Variants in PRKCQ observed in about 807,000 individuals in gnomAD.
PRKCQ encodes protein kinase C theta type.
In PRKCQ, 41 loss-of-function variants were observed where a neutral mutation model predicts 91.2. That is an observed-to-expected ratio of 0.45 (90% CI 0.35 to 0.58). PRKCQ has a LOEUF of 0.58. Among genes scored for constraint, PRKCQ ranks in the 20% least tolerant of loss-of-function variants. The probability of loss-of-function intolerance (pLI) is 0.00; values close to 1 mark genes in which losing one functional copy is unlikely to be tolerated. For synonymous variants in PRKCQ, 307 were observed against 316.9 expected, an observed-to-expected ratio of 0.97 and a Z score of 0.33; for missense variants, 673 against 896.5, an observed-to-expected ratio of 0.75 and a Z score of 3.18.
chr10:6,569,486 T>C lies in PRKCQ; in HGVS notation c.-10+10725A>G, dbSNP rs570642851. ...AATCCACATCAGGGAGGCTGGGCTT[T>C]ATCCCGGGGGCACTGGGTAGCCTTT... On this transcript the variant is annotated intron_variant, in intron 1 of 17. Transcript: ENST00000263125. Among the ~76,000 whole-genome samples the C allele has an allele frequency of 7.9e-5, 12 of 152,218 alleles. No homozygotes were observed. The East Asian group carries it at 1.9e-3, about 24-fold the overall frequency.
At chr10:6,485,389 T>C (rs1836849537) in intron 9 of PRKCQ, 120 bp from the exon 10 acceptor site, 1 of 758,534 alleles carries the variant, frequency 1.3e-6, no homozygotes, top group Non-Finnish European at 2.3e-6. Context: ...TCAACAAAGA[T>C]CTCCTTATCC....
At chr10:6,530,514 C>T (rs985677744) in intron 1 of PRKCQ, among the ~76,000 whole-genome samples, 5 of 152,224 alleles carry the variant, frequency 3.3e-5, no homozygotes, top group Non-Finnish European at 7.3e-5. Context: ...GCCGGCTCTG[C>T]CCGGCAACGG....
chr10:6,478,253 C>A (rs1384443213), intron 12 of PRKCQ, among the ~76,000 whole-genome samples: 1 of 152,086 alleles, frequency 6.6e-6, no homozygotes, highest in Admixed American at 6.6e-5. Flanking sequence ...AAGTCCACTG[C>A]AGAGAGAATC....
chr10:6,464,557 C>G (rs180864556), intron 12 of PRKCQ, among the ~76,000 whole-genome samples, 153 bp from the exon 13 acceptor site: 79 of 152,330 alleles, frequency 5.2e-4, no homozygotes, highest in Non-Finnish European at 9.4e-4. Context: ...TCAAGAGATT[C>G]TCCCGTCAGC....
chr10:6,476,922 T>C (rs1836296163), intron 12 of PRKCQ, among the ~76,000 whole-genome samples: 2 of 152,108 alleles, frequency 1.3e-5, no homozygotes, highest in Non-Finnish European at 2.9e-5. Context: ...GTTTGTCCCT[T>C]TGCCTGCAGG....
the PRKCQ span, among the ~76,000 whole-genome samples, chr10:6,411,937 T>G: frequency 1.3e-5 from 2 of 152,212 alleles, no homozygotes; most frequent in Non-Finnish European, 2.9e-5. Context: ...TTCTAAGTAT[T>G]TGATAGATAC....
At chr10:6,551,324 AG>A (rs1039433299) in intron 1 of PRKCQ, among the ~76,000 whole-genome samples, 5 of 152,028 alleles carry the variant, frequency 3.3e-5, no homozygotes, top group African/African-American at 1.2e-4. Flanking sequence ...TTTCTGCAAA[AG>A]TCCTGGTCTC....
At chr10:6,472,047 G>A (rs559074661) in intron 12 of PRKCQ, among the ~76,000 whole-genome samples, 4 of 152,124 alleles carry the variant, frequency 2.6e-5, no homozygotes, top group Admixed American at 6.5e-5. Context: ...GGTGGCTCAC[G>A]CCCGTAATCC....
intron 1 of PRKCQ, among the ~76,000 whole-genome samples, chr10:6,542,716 G>C (rs1343713828): frequency 1.3e-5 from 2 of 152,116 alleles, no homozygotes; most frequent in Non-Finnish European, 2.9e-5. Context: ...GCCATCAGAA[G>C]ATCAGCTTAA....
intron 15 of PRKCQ, among the ~76,000 whole-genome samples, chr10:6,451,737 A>G (rs1297210205): frequency 3.9e-5 from 6 of 152,134 alleles, no homozygotes; most frequent in Non-Finnish European, 8.8e-5. Context: ...CCATGATCAA[A>G]TGGGCTTCAT....
At chr10:6,516,922 C>T (rs1226221655) in intron 1 of PRKCQ, among the ~76,000 whole-genome samples, 1 of 152,130 alleles carries the variant, frequency 6.6e-6, no homozygotes, top group Non-Finnish European at 1.5e-5. Context: ...TGAAGGTCTT[C>T]CTAGACAATG....
chr10:6,438,645 G>A (rs1227866278), intron 16 of PRKCQ, among the ~76,000 whole-genome samples: 1 of 152,114 alleles, frequency 6.6e-6, no homozygotes, highest in African/African-American at 2.4e-5. Flanking sequence ...ACCTAGGCTG[G>A]AGTGCAGTGG....
intron 14 of PRKCQ, among the ~76,000 whole-genome samples, chr10:6,460,438 C>T (rs1448059013): frequency 2.0e-5 from 3 of 151,862 alleles, no homozygotes; most frequent in African/African-American, 4.8e-5. Flanking sequence ...ATCTCTGTCT[C>T]TCTCTCTCTC....
the PRKCQ span, among the ~76,000 whole-genome samples, chr10:6,396,585 C>A: frequency 6.6e-6 from 1 of 152,336 alleles, no homozygotes; most frequent in South Asian, 2.1e-4. Flanking sequence ...GTTCTTGAGG[C>A]TGACTTATAT....
At chr10:6,420,522 TA>T in the PRKCQ span, among the ~76,000 whole-genome samples, 3 of 152,230 alleles carry the variant, frequency 2.0e-5, no homozygotes, top group Admixed American at 6.5e-5. Context: ...TGAGATGACC[TA>T]TTTCCTCACT....
intron 1 of PRKCQ, among the ~76,000 whole-genome samples, chr10:6,546,536 TGG>T (rs1436264000): frequency 6.6e-6 from 1 of 152,214 alleles, no homozygotes. Context: ...GCTCTCTGTC[TGG>T]TATTGGTGTA....
At chr10:6,425,370 G>A (rs1357700020), downstream of PRKCQ, among the ~76,000 whole-genome samples, 6 of 151,816 alleles carry the variant, frequency 4.0e-5, no homozygotes, top group Non-Finnish European at 7.4e-5. Flanking sequence ...GATTACAGAC[G>A]CGTGCCACCA....
intron 1 of PRKCQ, among the ~76,000 whole-genome samples, chr10:6,546,942 G>A: frequency 6.6e-6 from 1 of 152,164 alleles, no homozygotes; most frequent in Non-Finnish European, 1.5e-5. Context: ...TTAGCATGAA[G>A]CGTTGTTGAA....
At chr10:6,483,082 T>TTC (rs1413085877) in intron 11 of PRKCQ, among the ~76,000 whole-genome samples, 5 of 152,062 alleles carry the variant, frequency 3.3e-5, no homozygotes. Flanking sequence ...CACTCCAGGC[T>TTC]TGAGAATGAA....
Sources: allele counts gnomAD v4.1 joint callset (sites outside exome capture counted in the v4.1 genomes callset), GRCh38; gene constraint gnomAD v4.1.1; transcripts MANE v1.5; gene names NCBI Gene and HGNC (gene_info 2026-07-23, HGNC 2026-07-21).